IGSF11: variants seen among roughly 807,000 people sequenced by gnomAD.
The protein encoded by IGSF11 is immunoglobulin superfamily member 11, also known as CXADR like 1.
A neutral mutation model predicts 41.0 loss-of-function variants in IGSF11; 22 were observed. The observed-to-expected ratio is 0.54, with a 90% CI of 0.38 to 0.77. The LOEUF (loss-of-function observed/expected upper bound fraction) is 0.77, where lower values mean the gene tolerates loss of function less well. IGSF11 is among the 30% of genes least tolerant of loss of function. The pLI, the probability that IGSF11 is intolerant of heterozygous loss-of-function variation, is 0.00. For synonymous variants in IGSF11, 219 were observed against 201.3 expected, an observed-to-expected ratio of 1.09 and a Z score of -0.74; for missense variants, 444 against 530.8, an observed-to-expected ratio of 0.84 and a Z score of 1.61.
At chr3:118,982,564 G>A (rs1384682031) in intron 1 of IGSF11, among the ~76,000 whole-genome samples, 2 of 152,170 alleles carry the variant, frequency 1.3e-5, no homozygotes, top group South Asian at 4.2e-4. Flanking sequence ...AGGACAAAGG[G>A]TTTTATCACC....
At chr3:118,980,108 C>CA (rs1934556531) in intron 1 of IGSF11, among the ~76,000 whole-genome samples, 1 of 151,978 alleles carries the variant, frequency 6.6e-6, no homozygotes, top group South Asian at 2.1e-4. Flanking sequence ...TATGGACATT[C>CA]AAAAAACAAC....
chr3:119,039,300 GA>G (rs1456888809), upstream of IGSF11, among the ~76,000 whole-genome samples: 2 of 152,074 alleles, frequency 1.3e-5, no homozygotes, highest in Non-Finnish European at 2.9e-5. Flanking sequence ...GTTCCGGGGA[GA>G]ATCATTTTCT....
intron 4 of IGSF11, among the ~76,000 whole-genome samples, chr3:118,920,710 TAA>T (rs1288520259): frequency 6.6e-6 from 1 of 152,174 alleles, no homozygotes; most frequent in Non-Finnish European, 1.5e-5. Context: ...GGCATAATTA[TAA>T]GAACAAATTG....
chr3:119,039,304 C>G (rs1335978139), upstream of IGSF11, among the ~76,000 whole-genome samples: 1 of 151,908 alleles, frequency 6.6e-6, no homozygotes, highest in Non-Finnish European at 1.5e-5. Flanking sequence ...CGGGGAGAAT[C>G]ATTTTCTTAC....
chr3:118,961,644 G>C (rs1945342001), intron 1 of IGSF11, among the ~76,000 whole-genome samples: 1 of 152,162 alleles, frequency 6.6e-6, no homozygotes, highest in African/African-American at 2.4e-5. Context: ...GTGTATAAAT[G>C]GCAGGATCCA....
intron 1 of IGSF11, among the ~76,000 whole-genome samples, chr3:118,992,850 G>T (rs548222496): frequency 1.3e-5 from 2 of 152,110 alleles, no homozygotes; most frequent in Non-Finnish European, 2.9e-5. Flanking sequence ...TGACACTACC[G>T]AAAAAGTGAA....
intron 1 of IGSF11, among the ~76,000 whole-genome samples, chr3:118,937,462 T>C (rs1943367626): frequency 6.6e-6 from 1 of 152,228 alleles, no homozygotes; most frequent in Admixed American, 6.5e-5. Context: ...TGAAATAATC[T>C]ACCTTTATAC....
chr3:118,995,276 A>T (rs895259160), intron 1 of IGSF11, among the ~76,000 whole-genome samples: 2 of 152,200 alleles, frequency 1.3e-5, no homozygotes, highest in African/African-American at 2.4e-5. Flanking sequence ...GCAATGTTAC[A>T]TAGTAACCCG....
chr3:118,964,367 G>A (rs1407990417), intron 1 of IGSF11, among the ~76,000 whole-genome samples: 1 of 152,116 alleles, frequency 6.6e-6, no homozygotes, highest in Non-Finnish European at 1.5e-5. Flanking sequence ...GCAAGTCAGA[G>A]GATGGGATGA....
intron 1 of IGSF11, among the ~76,000 whole-genome samples, chr3:119,098,098 C>A (rs1192152244): frequency 6.6e-6 from 1 of 151,156 alleles, no homozygotes; most frequent in Non-Finnish European, 1.5e-5. Flanking sequence ...CCGCACCGAG[C>A]CAATTTGGTT....
chr3:119,009,147 T>A (rs1937780496), intron 1 of IGSF11, among the ~76,000 whole-genome samples: 1 of 152,188 alleles, frequency 6.6e-6, no homozygotes, highest in African/African-American at 2.4e-5. Flanking sequence ...TTAGTCTATT[T>A]CCTTCAATGT....
In IGSF11 at chr3:119,084,465, G is replaced by A. The variant is rs530172806; in HGVS notation, c.49+20679C>T. Among the ~76,000 whole-genome samples the A allele has an allele frequency of 2.2e-3, 338 of 152,282 alleles. 3 individuals carry two copies. The highest frequency in any genetic ancestry group is 7.4e-3 in the African/African-American group (308 of 41,554). ...GAGCTAGCAGGGGCATTTCCCCAGA[G>A]ATTAGACAGAAATGGATCTGCAGCA... is the stretch of plus-strand genomic sequence containing the variant. On this transcript the variant is annotated intron_variant, in intron 1 of 6. Coordinates refer to the IGSF11 transcript ENST00000354673.
intron 6 of IGSF11, among the ~76,000 whole-genome samples, chr3:118,903,984 C>T (rs565796625): frequency 1.3e-5 from 2 of 152,188 alleles, no homozygotes; most frequent in East Asian, 3.9e-4. Context: ...GACTGGAAGG[C>T]AAAGTGAGCT....
upstream of IGSF11, among the ~76,000 whole-genome samples, chr3:119,107,791 C>T (rs2077061224): frequency 6.6e-6 from 1 of 151,946 alleles, no homozygotes; most frequent in Non-Finnish European, 1.5e-5. Flanking sequence ...GATCCAGTTT[C>T]AGCTTTCTAC....
intron 1 of IGSF11, among the ~76,000 whole-genome samples, chr3:119,062,221 T>C (rs768371001): frequency 3.3e-5 from 5 of 152,340 alleles, no homozygotes; most frequent in South Asian, 2.1e-4. Flanking sequence ...GAAAGATCCA[T>C]TGACTTGGTA....
At chr3:119,076,659 A>T (rs1167472150) in intron 1 of IGSF11, among the ~76,000 whole-genome samples, 1 of 152,224 alleles carries the variant, frequency 6.6e-6, no homozygotes, top group East Asian at 1.9e-4. Context: ...ACATACGAAA[A>T]AATGCTCATC....
intron 1 of IGSF11, among the ~76,000 whole-genome samples, chr3:119,094,667 C>T (rs1428041577): frequency 7.3e-6 from 1 of 136,076 alleles, no homozygotes; most frequent in Non-Finnish European, 1.6e-5. Context: ...CAGAGAGCAA[C>T]TCTATTTTTT....
Position 119,098,171 on chromosome 3 carries a change from T to C in IGSF11, c.49+6973A>G, listed in dbSNP as rs534109934. 1.1e-4 allele frequency among the ~76,000 whole-genome samples: 16 copies of C among 152,104 alleles called. No individual in the cohort carries two copies. The East Asian group carries it at 1.5e-3, about 15-fold the overall frequency. ...AGTACAGTGATGAAGTATGCAGGTG[T>C]ATTAAAACTGCCTTAGTTAAAATGC... On this transcript the variant is annotated intron_variant, in intron 1 of 6. Coordinates refer to the IGSF11 transcript ENST00000354673.
intron 4 of IGSF11, among the ~76,000 whole-genome samples, chr3:118,923,730 T>C (rs1273504773): frequency 1.3e-5 from 2 of 152,188 alleles, no homozygotes; most frequent in Admixed American, 6.5e-5. Context: ...CTTTTTCAAT[T>C]TGAACAGTTT....
Sources: allele counts gnomAD v4.1 joint callset (sites outside exome capture counted in the v4.1 genomes callset), GRCh38; gene constraint gnomAD v4.1.1; transcripts MANE v1.5; gene names NCBI Gene and HGNC (gene_info 2026-07-23, HGNC 2026-07-21).